The following MRPL14 variants were observed in gnomAD, a reference collection of about 807,000 sequenced individuals.
The protein encoded by MRPL14 is large ribosomal subunit protein uL14m.
Under a neutral mutation model 10.9 loss-of-function variants are expected in MRPL14, and 8 were observed. That is an observed-to-expected ratio of 0.74 (90% CI 0.43 to 1.33). The LOEUF is 1.33. Among genes scored for constraint, MRPL14 ranks in the 40% most tolerant of loss-of-function variants. The pLI is 0.01. For synonymous variants in MRPL14, 82 were observed against 74.1 expected (o/e 1.11, Z -0.54); for missense variants, 179 against 194.5 (o/e 0.92, Z 0.47).
rs868626771 is a variant in MRPL14, at chr6:44,118,721, T to C, written c.-18-2092A>G. On this transcript the variant is annotated intron_variant, in intron 1 of 2. Coordinates refer to ENST00000372014, the MANE Select transcript of MRPL14 (RefSeq NM_032111.4). ...GGCTCACGCCTGTAATCCCAGCACT[T>C]TGGGAGGCCGAGGTGGGCAGATCAC... Among the ~76,000 whole-genome samples, 46 of 152,300 alleles carry C rather than the reference T, an allele frequency of 3.0e-4. 1 individual carries two copies. Among genetic ancestry groups the C allele is most frequent in the South Asian group, 1.2e-3 (6 of 4,820 alleles).
chr6:44,114,186 A>G lies in MRPL14; in HGVS notation c.95T>C (p.Ile32Thr), dbSNP rs1350010580. 26 of 1,611,362 alleles carry G rather than the reference A, an allele frequency of 1.6e-5. No individual in the cohort carries two copies. Among genetic ancestry groups the G allele is most frequent in the Non-Finnish European group, 2.1e-5 (25 of 1,177,772 alleles). ...CFSTTGSLSA[I>T]QKMTRVRVVD... Reference sequence around the variant, plus strand: ...CACTCGTACCCGCGTCATCTTCTGAATCGCACTCAGACTCCCAGTGGTGCT... The same window carrying G: ...CACTCGTACCCGCGTCATCTTCTGAGTCGCACTCAGACTCCCAGTGGTGCT... The change falls in exon 3 of 3, where the codon ATT becomes ACT. Residue 32 changes from isoleucine to threonine, a missense_variant. Physicochemically the swap from Ile to Thr is moderately conservative, Grantham distance 89. Transcript: ENST00000372014.
At chr6:44,126,523 G>A (rs1024303229) in intron 1 of MRPL14, among the ~76,000 whole-genome samples, 5 of 152,204 alleles carry the variant, frequency 3.3e-5, no homozygotes, top group African/African-American at 4.8e-5. Flanking sequence ...ACCACCACCA[G>A]CCCTGAGAGT....
rs1775581128 is a variant in MRPL14 at position 44,113,933 on chromosome 6, C to G, written c.348G>C (p.Gly116=). 1 of 1,612,552 alleles carries G rather than the reference C, an allele frequency of 6.2e-7. No homozygotes were observed. The highest frequency in any genetic ancestry group is 1.3e-5 in the African/African-American group (1 of 74,870). Residue 116 remains glycine, a synonymous_variant, in exon 3 of 3, where the codon GGG becomes GGC. Transcript: ENST00000372014. ...TGGGGATGGGTGTCTTAATTCGTGT[C>G]CCCACAGGGTTCCCGTTGTCCTCAA... ...VLIEDNGNPV[G]TRIKTPIPTS... is the part of the protein sequence containing the mutation.
At chr6:44,116,332 T>A (rs761766008) in intron 2 of MRPL14, among the ~76,000 whole-genome samples, 1 of 152,172 alleles carries the variant, frequency 6.6e-6, no homozygotes, top group Non-Finnish European at 1.5e-5. Flanking sequence ...CCATTCCCCA[T>A]CACACTTCTA....
chr6:44,120,933 G>A (rs924637723), intron 1 of MRPL14, among the ~76,000 whole-genome samples: 6 of 152,142 alleles, frequency 3.9e-5, no homozygotes, highest in Non-Finnish European at 8.8e-5. Context: ...AGGCCCCCTG[G>A]ACTCACCTCC....
chr6:44,125,199 T>C (rs1407011109), intron 1 of MRPL14, among the ~76,000 whole-genome samples: 1 of 152,218 alleles, frequency 6.6e-6, no homozygotes, highest in African/African-American at 2.4e-5. Flanking sequence ...TTAATTCTCA[T>C]GTCAGGCTTT....
At chr6:44,117,062 A>C (rs1051184872) in intron 1 of MRPL14, among the ~76,000 whole-genome samples, 3 of 151,530 alleles carry the variant, frequency 2.0e-5, no homozygotes, top group African/African-American at 7.4e-5. Context: ...TCCCTAAAAG[A>C]AAGTAAATTA....
In MRPL14 at chr6:44,116,537, T is replaced by G; in HGVS notation, c.71+4A>C. 1.2e-6 allele frequency: 2 copies of G among 1,614,010 alleles called. No individual in the cohort carries two copies. The highest frequency in any genetic ancestry group is 1.7e-6 in the Non-Finnish European group (2 of 1,179,908). ...AGTTTTAAGAACTTAATGGGAAAAG[T>G]TACCTGAAACAGTGATGGCTCAGCA... is the stretch of plus-strand genomic sequence containing the variant. On this transcript the variant is annotated splice_donor_region_variant and intron_variant, in intron 2 of 2. Coordinates refer to ENST00000372014, the MANE Select transcript of MRPL14 (RefSeq NM_032111.4).
chr6:44,116,586 C>G lies in MRPL14; in HGVS notation c.26G>C (p.Gly9Ala). 3 of 1,614,066 alleles carry G rather than the reference C, an allele frequency of 1.9e-6. No homozygotes were observed. The highest frequency in any genetic ancestry group is 2.5e-6 in the Non-Finnish European group (3 of 1,179,980). ...CACTCTGCTTACACAGGTGAAGGGGCCCCAGAGCCCAGTAAAGAAAGCCAT... is the reference window on the plus strand; with the variant it reads ...CACTCTGCTTACACAGGTGAAGGGGGCCCAGAGCCCAGTAAAGAAAGCCAT... Reference protein sequence around the residue: MAFFTGLWGPFTCVSRVLS... With the variant: MAFFTGLWAPFTCVSRVLS... The change falls in exon 2 of 3, where the codon GGC (glycine) becomes GCC (alanine). Residue 9 changes from glycine to alanine, a missense_variant. Coordinates refer to ENST00000372014, the MANE Select transcript of MRPL14 (RefSeq NM_032111.4).
At position 44,114,198 on chromosome 6, in the gene MRPL14, C is replaced by T; in HGVS notation, c.83G>A (p.Ser28Asn). 1 of 1,608,154 alleles carries T rather than the reference C, an allele frequency of 6.2e-7. No homozygotes were observed. Among genetic ancestry groups the T allele is most frequent in the South Asian group, 1.1e-5 (1 of 90,858 alleles). ...CGTCATCTTCTGAATCGCACTCAGA[C>T]TCCCAGTGGTGCTGGTGGGAGGAAA... Reference protein sequence around the residue: ...LSHHCFSTTGSLSAIQKMTRV... With the variant: ...LSHHCFSTTGNLSAIQKMTRV... The change falls in exon 3 of 3, where the codon AGT becomes AAT. Residue 28 changes from serine (S) to asparagine (N), a missense_variant. Coordinates refer to ENST00000372014, the MANE Select transcript of MRPL14 (RefSeq NM_032111.4).
intron 1 of MRPL14, among the ~76,000 whole-genome samples, chr6:44,123,353 C>A (rs527381830): frequency 1.3e-5 from 2 of 152,330 alleles, no homozygotes; most frequent in South Asian, 4.1e-4. Context: ...CACTAATAAG[C>A]TACATGGATA....
At position 44,127,148 on chromosome 6, in the gene MRPL14, G is replaced by C. The variant is rs536931889; in HGVS notation, c.-19+196C>G. 3 of 149,750 alleles carry C rather than the reference G, an allele frequency of 2.0e-5. No homozygotes were observed. The South Asian group carries it at 6.4e-4, about 32-fold the overall frequency. The allele number at this position is 149,750 out of a possible 1,614,324, so 9.3% of individuals were successfully genotyped here. On this transcript the variant is annotated intron_variant, in intron 1 of 2. Coordinates refer to ENST00000372014, the MANE Select transcript of MRPL14 (RefSeq NM_032111.4). ...GGAAGGGAGGAGGATCCGGGTAAGG[G>C]GCCTCCCCTCCCCGTCGGGACCCCC... is the stretch of plus-strand genomic sequence containing the variant.
At chr6:44,115,321 C>A (rs996322766) in intron 2 of MRPL14, among the ~76,000 whole-genome samples, 5 of 152,124 alleles carry the variant, frequency 3.3e-5, no homozygotes, top group Admixed American at 2.6e-4. Flanking sequence ...CTACAACATG[C>A]TCTATAGATA....
intron 2 of MRPL14, among the ~76,000 whole-genome samples, chr6:44,114,861 G>A (rs1014765326): frequency 4.6e-5 from 7 of 152,206 alleles, no homozygotes; most frequent in Middle Eastern, 3.4e-3. Context: ...CGCCCGCCTC[G>A]GCCTCCCAAA....
Position 44,114,030 on chromosome 6 carries a change from G to A in MRPL14, c.251C>T (p.Ala84Val), listed in dbSNP as rs368426589. 32 of 1,614,086 alleles carry A rather than the reference G, an allele frequency of 2.0e-5. No homozygotes were observed. Among genetic ancestry groups the A allele is most frequent in the Non-Finnish European group, 2.5e-5 (30 of 1,180,044 alleles). Reference protein sequence around the residue: ...LLAIKGQKKKALIVGHCMPGP... With the variant: ...LLAIKGQKKKVLIVGHCMPGP... ...AGGCATGCAGTGCCCCACAATGAGCGCCTTTTTCTTCTGTCCCTTGATGGC... is the reference window on the plus strand; with the variant it reads ...AGGCATGCAGTGCCCCACAATGAGCACCTTTTTCTTCTGTCCCTTGATGGC... Residue 84 changes from alanine to valine, a missense_variant, in exon 3 of 3, where the codon GCG becomes GTG. Physicochemically the swap from Ala to Val is moderately conservative, Grantham distance 64. Coordinates refer to ENST00000372014, the MANE Select transcript of MRPL14 (RefSeq NM_032111.4).
chr6:44,114,780 T>C (rs1350211297), intron 2 of MRPL14, among the ~76,000 whole-genome samples: 1 of 152,206 alleles, frequency 6.6e-6, no homozygotes, highest in Non-Finnish European at 1.5e-5. Flanking sequence ...AGCTAATTTT[T>C]TGTATTTTTT....
rs144415562 is a variant in MRPL14, at chr6:44,113,859, G to A, written c.422C>T (p.Ala141Val). ...EGEYSKVLAI[A>V]QNFV ...GGGCTCAACTCACACAAAGTTCTGA[G>A]CAATGGCCAGCACCTTGGAATACTC... The change falls in exon 3 of 3, where the codon GCT becomes GTT. Residue 141 changes from alanine (A) to valine (V), a missense_variant. By Grantham distance (64) the Ala-to-Val change is moderately conservative. Coordinates refer to ENST00000372014, the MANE Select transcript of MRPL14 (RefSeq NM_032111.4). 3.5e-5 allele frequency: 55 copies of A among 1,569,536 alleles called. No homozygotes were observed. In the Admixed American group the frequency reaches 3.9e-4, roughly 11 times the overall value.
At chr6:44,117,393 G>A (rs1775952280) in intron 1 of MRPL14, among the ~76,000 whole-genome samples, 1 of 152,184 alleles carries the variant, frequency 6.6e-6, no homozygotes, top group African/African-American at 2.4e-5. Context: ...TATGGAGGCT[G>A]CCAGTGCCCT....
intron 1 of MRPL14, among the ~76,000 whole-genome samples, chr6:44,122,684 A>C (rs1410998982): frequency 6.6e-6 from 1 of 150,958 alleles, no homozygotes; most frequent in Non-Finnish European, 1.5e-5. Context: ...TGAGCCTTTA[A>C]AGGAGGTTCT....
Sources: allele counts gnomAD v4.1 joint callset (sites outside exome capture counted in the v4.1 genomes callset), GRCh38; gene constraint gnomAD v4.1.1; transcripts MANE v1.5; gene names NCBI Gene and HGNC (gene_info 2026-07-23, HGNC 2026-07-21).